NCKAP5: variants seen among roughly 807,000 people sequenced by gnomAD.
NCKAP5 encodes the protein NCK associated protein 5.
NCKAP5 carries 92 observed loss-of-function variants against 167.0 expected under a neutral mutation model. That is an observed-to-expected ratio of 0.55 (90% CI 0.47 to 0.66). The LOEUF is 0.66. NCKAP5 is among the 30% of genes least tolerant of loss of function. NCKAP5 has a pLI of 0.00. For synonymous variants in NCKAP5, 891 were observed against 877.4 expected (o/e 1.02, Z -0.27); for missense variants, 2,378 against 2,315.0 (o/e 1.03, Z -0.56).
At chr2:132,853,500 T>C (rs983293995) in intron 11 of NCKAP5, among the ~76,000 whole-genome samples, 1 of 152,218 alleles carries the variant, frequency 6.6e-6, no homozygotes, top group African/African-American at 2.4e-5. Context: ...TTGACACATA[T>C]GATGGGAAGT....
chr2:132,691,085 T>C (rs1487386659), intron 19 of NCKAP5, among the ~76,000 whole-genome samples: 2 of 152,180 alleles, frequency 1.3e-5, no homozygotes, highest in African/African-American at 4.8e-5. Flanking sequence ...AGGCCTAAAA[T>C]AGTTCCCATT....
intron 8 of NCKAP5, among the ~76,000 whole-genome samples, chr2:132,913,138 T>G (rs1447541): frequency 0.32 from 48,135 of 151,690 alleles, 9,613 homozygotes; most frequent in African/African-American, 0.52. Context: ...CTGGTGATCG[T>G]AGCTGAATCA....
the NCKAP5 span, among the ~76,000 whole-genome samples, chr2:133,629,055 A>G: frequency 6.6e-6 from 1 of 152,260 alleles, no homozygotes; most frequent in South Asian, 2.1e-4. Context: ...TCTAGGCAAT[A>G]CCATTCAGGA....
chr2:133,153,888 C>T (rs562250202), intron 5 of NCKAP5, among the ~76,000 whole-genome samples: 5 of 132,182 alleles, frequency 3.8e-5, no homozygotes, highest in South Asian at 2.4e-4. Context: ...CAGGCTGGAG[C>T]GTAACGGCGC....
intron 7 of NCKAP5, among the ~76,000 whole-genome samples, chr2:132,973,664 T>C (rs766345383): frequency 6.6e-6 from 1 of 152,026 alleles, no homozygotes; most frequent in African/African-American, 2.4e-5. Flanking sequence ...CCCTGCATAA[T>C]AAAACTTTCG....
At chr2:133,309,088 A>T (rs575640419) in intron 3 of NCKAP5, among the ~76,000 whole-genome samples, 1 of 151,426 alleles carries the variant, frequency 6.6e-6, no homozygotes, top group Non-Finnish European at 1.5e-5. Context: ...AAAGAAGGAT[A>T]AAAAAACTGC....
intron 3 of NCKAP5, among the ~76,000 whole-genome samples, chr2:133,500,472 G>A (rs925179126): frequency 6.6e-6 from 1 of 152,132 alleles, no homozygotes; most frequent in Non-Finnish European, 1.5e-5. Flanking sequence ...CAAAGCACAT[G>A]GGAGGTCTGC....
intron 4 of NCKAP5, among the ~76,000 whole-genome samples, chr2:133,224,119 GTTC>G (rs1199917918): frequency 6.6e-6 from 1 of 152,104 alleles, no homozygotes; most frequent in Non-Finnish European, 1.5e-5. Flanking sequence ...TCTCAAAATT[GTTC>G]TTCTGCTCTC....
chr2:133,457,186 A>G (rs1020696080), intron 3 of NCKAP5, among the ~76,000 whole-genome samples: 1 of 152,210 alleles, frequency 6.6e-6, no homozygotes, highest in African/African-American at 2.4e-5. Context: ...ATTGGATTAA[A>G]TAGTTTCTGA....
intron 3 of NCKAP5, among the ~76,000 whole-genome samples, chr2:133,368,493 G>A (rs987048675): frequency 6.6e-6 from 1 of 152,038 alleles, no homozygotes; most frequent in African/African-American, 2.4e-5. Flanking sequence ...CTTTACTCTT[G>A]GTGAAAAATA....
intron 11 of NCKAP5, among the ~76,000 whole-genome samples, chr2:132,802,320 C>T (rs1685105458): frequency 6.6e-6 from 1 of 152,200 alleles, no homozygotes; most frequent in Non-Finnish European, 1.5e-5. Context: ...GGATGTTGGG[C>T]TGATTTCTCA....
intron 8 of NCKAP5, among the ~76,000 whole-genome samples, chr2:132,892,075 G>A (rs969565284): frequency 1.3e-5 from 2 of 152,172 alleles, no homozygotes; most frequent in Non-Finnish European, 2.9e-5. Context: ...GGGTGGTGGT[G>A]TCAGCCAGGC....
At chr2:132,867,560 C>T (rs1326369604) in intron 10 of NCKAP5, among the ~76,000 whole-genome samples, 1 of 152,142 alleles carries the variant, frequency 6.6e-6, no homozygotes, top group Non-Finnish European at 1.5e-5. Flanking sequence ...CTTTAAAAGA[C>T]AGCTGCTGTA....
At chr2:132,997,725 C>T (rs1333059330) in intron 6 of NCKAP5, among the ~76,000 whole-genome samples, 1 of 151,254 alleles carries the variant, frequency 6.6e-6, no homozygotes, top group Non-Finnish European at 1.5e-5. Context: ...CCTTGGAGAA[C>T]AACTTTGGTG....
At chr2:133,142,471 T>C (rs1188306648) in intron 5 of NCKAP5, among the ~76,000 whole-genome samples, 2 of 152,166 alleles carry the variant, frequency 1.3e-5, no homozygotes, top group East Asian at 3.9e-4. Flanking sequence ...TATGTGAGTG[T>C]CAGAAATTGT....
intron 6 of NCKAP5, among the ~76,000 whole-genome samples, chr2:133,068,002 C>A (rs2080256769): frequency 6.6e-6 from 1 of 152,104 alleles, no homozygotes; most frequent in Non-Finnish European, 1.5e-5. Flanking sequence ...GAGTCATGAA[C>A]TTGGACAAGA....
rs368542312 is a variant in NCKAP5 at position 133,092,345 on chromosome 2, G to A, written c.341+37633C>T. ...CCAAGGCAGAAGTTGGAGTGATGCA[G>A]CTACAAGCTAAGGATTGCCGGTAAC... On this transcript the variant is annotated intron_variant, in intron 6 of 19. Coordinates refer to ENST00000409261, the MANE Select transcript of NCKAP5 (RefSeq NM_207363.3). Among the ~76,000 whole-genome samples, 9 of 152,282 alleles carry A rather than the reference G, an allele frequency of 5.9e-5. No homozygotes were observed. In the South Asian group the frequency reaches 1.9e-3, roughly 32 times the overall value.
At chr2:132,712,777 A>G (rs1688989917) in intron 19 of NCKAP5, among the ~76,000 whole-genome samples, 1 of 152,236 alleles carries the variant, frequency 6.6e-6, no homozygotes, top group South Asian at 2.1e-4. Context: ...ATTCAGTATG[A>G]AACACCATGA....
chr2:132,732,176 G>T (rs894812843), intron 16 of NCKAP5, 125 bp from the exon 17 acceptor site: 15 of 908,794 alleles, frequency 1.7e-5, no homozygotes, highest in Non-Finnish European at 2.4e-5. Flanking sequence ...TTAAGAAAAA[G>T]AAAAATGTCA....
Sources: allele counts gnomAD v4.1 joint callset (sites outside exome capture counted in the v4.1 genomes callset), GRCh38; gene constraint gnomAD v4.1.1; transcripts MANE v1.5; gene names NCBI Gene and HGNC (gene_info 2026-07-23, HGNC 2026-07-21).